ATXN10: variants seen among roughly 807,000 people sequenced by gnomAD.
ATXN10 encodes the protein ataxin-10.
ATXN10 carries 28 observed loss-of-function variants against 52.9 expected under a neutral mutation model. The ratio of observed to expected loss-of-function variants is 0.53; its 90% CI spans 0.39 to 0.73. The LOEUF (loss-of-function observed/expected upper bound fraction) is 0.73, where lower values mean the gene tolerates loss of function less well. ATXN10 is among the 30% of genes least tolerant of loss of function. The pLI, the probability that ATXN10 is intolerant of heterozygous loss-of-function variation, is 0.00. For missense variants in ATXN10, 565 were observed against 577.0 expected, an observed-to-expected ratio of 0.98 and a Z score of 0.21; for synonymous variants, 226 against 221.5, an observed-to-expected ratio of 1.02 and a Z score of -0.18.
chr22:45,726,037 G>A (rs921417895), intron 6 of ATXN10, among the ~76,000 whole-genome samples: 2 of 152,110 alleles, frequency 1.3e-5, no homozygotes, highest in African/African-American at 4.8e-5. Flanking sequence ...TTGCTGTGCC[G>A]ATGGATTCAG....
At chr22:45,821,734 C>T (rs1316048544) in intron 10 of ATXN10, among the ~76,000 whole-genome samples, 1 of 152,170 alleles carries the variant, frequency 6.6e-6, no homozygotes, top group Non-Finnish European at 1.5e-5. Context: ...CTACCTGATG[C>T]AACCTGTGAA....
chr22:45,693,331 G>A (rs868830342), intron 3 of ATXN10, among the ~76,000 whole-genome samples: 1 of 152,274 alleles, frequency 6.6e-6, no homozygotes, highest in South Asian at 2.1e-4. Context: ...CTTAGGCTGG[G>A]TAGTTTATAA....
chr22:45,726,942 A>G (rs1441376443), intron 6 of ATXN10, among the ~76,000 whole-genome samples: 1 of 152,098 alleles, frequency 6.6e-6, no homozygotes, highest in African/African-American at 2.4e-5. Context: ...TTGCCTCCCA[A>G]AGTGTTGGGA....
At chr22:45,793,683 C>A in intron 9 of ATXN10, 1 of 1,463,080 alleles carries the variant, frequency 6.8e-7, no homozygotes, top group Non-Finnish European at 9.1e-7. Flanking sequence ...CAAGAGAAGT[C>A]ACCAATCACA....
intron 9 of ATXN10, among the ~76,000 whole-genome samples, chr22:45,794,448 TAA>T (rs778584781): frequency 2.1e-5 from 3 of 143,446 alleles, no homozygotes; most frequent in Admixed American, 7.0e-5. Flanking sequence ...TATTCTTTCT[TAA>T]AAAAAAAAAA....
intron 9 of ATXN10, among the ~76,000 whole-genome samples, chr22:45,802,958 C>T (rs559292023): frequency 6.6e-6 from 1 of 152,290 alleles, no homozygotes; most frequent in South Asian, 2.1e-4. Flanking sequence ...AGTGTAAATT[C>T]AGCCCTGTTG....
intron 7 of ATXN10, among the ~76,000 whole-genome samples, chr22:45,738,069 T>G (rs1252306342): frequency 6.6e-6 from 1 of 152,218 alleles, no homozygotes; most frequent in Non-Finnish European, 1.5e-5. Flanking sequence ...AAAAGTTACA[T>G]TTAAAATTTT....
intron 1 of ATXN10, chr22:45,679,322 A>G (rs1225845409): frequency 6.6e-6 from 1 of 152,266 alleles, no homozygotes; most frequent in Non-Finnish European, 1.5e-5. Flanking sequence ...AAATGAGAGC[A>G]TACAAGAAAG....
chr22:45,824,393 G>A lies in ATXN10; in HGVS notation c.1237+17371G>A, dbSNP rs1443664906. ...CCTTATCCTGTAATTTAACATTGTA[G>A]CTTTTATAGTACTTTGTAATTATGT... On this transcript the variant is annotated intron_variant, in intron 10 of 11. Coordinates refer to ENST00000252934, the MANE Select transcript of ATXN10 (RefSeq NM_013236.4). This position sits in a 1 kb window ranked among gnomAD's most constrained non-coding sequence, Gnocchi z 5.2. 6.6e-6 allele frequency among the ~76,000 whole-genome samples: 1 copy of A among 152,032 alleles called. No individual in the cohort carries two copies. Among genetic ancestry groups the A allele is most frequent in the African/African-American group, 2.4e-5 (1 of 41,388 alleles).
chr22:45,740,652 G>T, intron 9 of ATXN10, 114 bp downstream of exon 9: 1 of 759,476 alleles, frequency 1.3e-6, no homozygotes. Flanking sequence ...AAGTAGCTTG[G>T]ATAGAGAGAT....
chr22:45,716,895 T>C (rs1025929709), intron 5 of ATXN10, among the ~76,000 whole-genome samples: 7 of 152,194 alleles, frequency 4.6e-5, no homozygotes, highest in African/African-American at 1.4e-4. Context: ...AATGTGTAGT[T>C]ATCACATCAG....
intron 10 of ATXN10, among the ~76,000 whole-genome samples, chr22:45,808,435 A>C (rs1928174193): frequency 1.3e-5 from 2 of 152,200 alleles, no homozygotes; most frequent in Non-Finnish European, 2.9e-5. Context: ...AAATAAAAAG[A>C]CTGTTGTACA....
rs903361591 is a variant in ATXN10 at position 45,841,699 on chromosome 22, G to A, written c.1238-1292G>A. On this transcript the variant is annotated intron_variant, in intron 10 of 11. Transcript: ENST00000252934. The surrounding 1 kb of genome is among the most constrained non-coding windows in gnomAD (Gnocchi z 5.1). The stretch of plus-strand genomic sequence containing the variant: ...GTCATTTTTACTATTTTCTTTTGAG[G>A]CTGTTGAATTAGGGAGAGAAACTGT... Among the ~76,000 whole-genome samples, 1 of 152,172 alleles carries A rather than the reference G, an allele frequency of 6.6e-6. No homozygotes were observed. Among genetic ancestry groups the A allele is most frequent in the African/African-American group, 2.4e-5 (1 of 41,436 alleles).
Position 45,729,456 on chromosome 22 carries a change from A to G in ATXN10, c.760A>G (p.Ile254Val). The G allele has an allele frequency of 1.2e-6, 2 of 1,614,202 alleles. No individual in the cohort carries two copies. The highest frequency in any genetic ancestry group is 2.2e-5 in the East Asian group (1 of 44,884). ...VTLLDLMIAKITSDEPLTKDD... is the reference protein window; with the variant it reads ...VTLLDLMIAKVTSDEPLTKDD... ...ACTGTTAGACCTTATGATAGCCAAG[A>G]TAACGAGTGATGAGCCACTCACCAA... Residue 254 changes from isoleucine to valine, a missense_variant, in exon 7 of 12, where the codon ATA becomes GTA. Coordinates refer to ENST00000252934, the MANE Select transcript of ATXN10 (RefSeq NM_013236.4).
chr22:45,732,401 G>T lies in ATXN10; in HGVS notation c.894+2811G>T, dbSNP rs1925124132. ...CTAAGCCCAGAAGATTGAGGCTGCA[G>T]TGAGCTGTGATTGCGCTACTGCATT... On this transcript the variant is annotated intron_variant, in intron 7 of 11. Transcript: ENST00000252934. The surrounding 1 kb of genome is among the most constrained non-coding windows in gnomAD (Gnocchi z 4.5). 6.6e-6 allele frequency among the ~76,000 whole-genome samples: 1 copy of T among 152,138 alleles called. No homozygotes were observed. The highest frequency in any genetic ancestry group is 2.1e-4 in the South Asian group (1 of 4,832).
At chr22:45,776,127 TACGGTTA>T (rs1395307039) in intron 9 of ATXN10, among the ~76,000 whole-genome samples, 1 of 152,242 alleles carries the variant, frequency 6.6e-6, no homozygotes, top group Non-Finnish European at 1.5e-5. Context: ...TCTGTAAGCC[TACGGTTA>T]ACCAGAGGTA....
At position 45,672,005 on chromosome 22, in the gene ATXN10, C is replaced by G. The variant is rs543286658; in HGVS notation, c.-59C>G. On this transcript the variant is annotated 5_prime_UTR_variant, in exon 1 of 12. Transcript: ENST00000252934. ...ACTCCTCCCTCCTCGTCATCCTCCC[C>G]CTTCGTCCTCCTCGCCTTCCTCCTC... is the stretch of plus-strand genomic sequence containing the variant. 1.5e-4 allele frequency: 229 copies of G among 1,519,474 alleles called. No individual in the cohort carries two copies. The highest frequency in any genetic ancestry group is 1.8e-4 in the Non-Finnish European group (209 of 1,134,616). 94.1% of individuals were successfully genotyped at this position (1,519,474 alleles called of 1,614,324 possible).
Position 45,769,951 on chromosome 22 carries a change from A to G in ATXN10, c.1173+29413A>G, listed in dbSNP as rs1926718561. Among the ~76,000 whole-genome samples, 1 of 152,268 alleles carries G rather than the reference A, an allele frequency of 6.6e-6. No homozygotes were observed. The highest frequency in any genetic ancestry group is 2.4e-5 in the African/African-American group (1 of 41,462). On this transcript the variant is annotated intron_variant, in intron 9 of 11. Coordinates refer to ENST00000252934, the MANE Select transcript of ATXN10 (RefSeq NM_013236.4). The surrounding 1 kb of genome is among the most constrained non-coding windows in gnomAD (Gnocchi z 4.2). ...TACCACAAGTATTTTGTCACTCTATAAATACAGTTCTAAATAAAGGTTCTC... is the reference window on the plus strand; with the variant it reads ...TACCACAAGTATTTTGTCACTCTATGAATACAGTTCTAAATAAAGGTTCTC...
At position 45,750,124 on chromosome 22, in the gene ATXN10, C is replaced by T. The variant is rs894772586; in HGVS notation, c.1173+9586C>T. On this transcript the variant is annotated intron_variant, in intron 9 of 11. Coordinates refer to ENST00000252934, the MANE Select transcript of ATXN10 (RefSeq NM_013236.4). The surrounding 1 kb of genome is among the most constrained non-coding windows in gnomAD (Gnocchi z 4.2). ...ATTTAATTTAATTTTATTTTTGAGA[C>T]AGGGTCTTGCTTTTGTCACCCAGGC... Among the ~76,000 whole-genome samples, 1 of 151,426 alleles carries T rather than the reference C, an allele frequency of 6.6e-6. No homozygotes were observed. Among genetic ancestry groups the T allele is most frequent in the Non-Finnish European group, 1.5e-5 (1 of 67,802 alleles).
Sources: allele counts gnomAD v4.1 joint callset (sites outside exome capture counted in the v4.1 genomes callset), GRCh38; gene constraint gnomAD v4.1.1; non-coding constraint Gnocchi (gnomAD v3.1); transcripts MANE v1.5; gene names NCBI Gene and HGNC (gene_info 2026-07-23, HGNC 2026-07-21).